Variants in MAGI3 observed in about 807,000 individuals in gnomAD.
MAGI3 encodes the protein membrane associated guanylate kinase, WW and PDZ domain containing 3.
In MAGI3, 43 loss-of-function variants were observed where a neutral mutation model predicts 121.8. The ratio of observed to expected loss-of-function variants is 0.35; its 90% confidence interval spans 0.28 to 0.46. The LOEUF is 0.46. Among genes scored for constraint, MAGI3 ranks in the 20% least tolerant of loss-of-function variants. The probability of loss-of-function intolerance (pLI) is 1.00; values close to 1 mark genes in which losing one functional copy is unlikely to be tolerated. For synonymous variants in MAGI3, 553 were observed against 639.3 expected, an observed-to-expected ratio of 0.86 and a Z score of 2.04; for missense variants, 1,547 against 1,797.3, an observed-to-expected ratio of 0.86 and a Z score of 2.52.
chr1:113,534,848 G>GT (rs1163502951), intron 1 of MAGI3, among the ~76,000 whole-genome samples: 2 of 151,912 alleles, frequency 1.3e-5, no homozygotes, highest in Admixed American at 1.3e-4. Context: ...GAATCAGACT[G>GT]TTTAATTGTT....
intron 1 of MAGI3, among the ~76,000 whole-genome samples, chr1:113,393,730 ATTTTG>A (rs1053270737): frequency 1.3e-5 from 2 of 152,222 alleles, no homozygotes; most frequent in Non-Finnish European, 2.9e-5. Flanking sequence ...ATTGTGATTC[ATTTTG>A]GAAAGGATGA....
rs1030023252 is a variant in MAGI3 at position 113,594,516 on chromosome 1, G to A, written c.974G>A (p.Arg325His). The change falls in exon 6 of 21, where the codon CGT (arginine) becomes CAT (histidine). Residue 325 changes from arginine to histidine, a missense_variant. Physicochemically the swap from Arg to His is conservative, Grantham distance 29. Transcript: ENST00000307546. ...NTKTTTWLDP[R>H]LCKKAKAPED... is the part of the protein sequence containing the mutation. Reference sequence around the variant, plus strand: ...AAGACAACCACCTGGTTGGATCCTCGTCTTTGTAAGAAAGCCAAAGCCCCT... The same window carrying A: ...AAGACAACCACCTGGTTGGATCCTCATCTTTGTAAGAAAGCCAAAGCCCCT... 3 of 1,613,114 alleles carry A rather than the reference G, an allele frequency of 1.9e-6. No homozygotes were observed. The highest frequency in any genetic ancestry group is 2.5e-6 in the Non-Finnish European group (3 of 1,179,522).
At chr1:113,549,917 A>G (rs1215085428) in intron 2 of MAGI3, among the ~76,000 whole-genome samples, 1 of 147,892 alleles carries the variant, frequency 6.8e-6, no homozygotes, top group East Asian at 2.0e-4. Flanking sequence ...GGAGTTCAAG[A>G]CCAGCCTGGC....
At chr1:113,623,210 T>C (rs1467434222) in intron 9 of MAGI3, among the ~76,000 whole-genome samples, 2 of 152,038 alleles carry the variant, frequency 1.3e-5, no homozygotes, top group Admixed American at 1.3e-4. Context: ...TATTATACTA[T>C]GATACAGGCA....
chr1:113,450,397 A>G, intron 1 of MAGI3: 1 of 1,123,698 alleles, frequency 8.9e-7, no homozygotes, highest in South Asian at 1.2e-5. Context: ...GGTGGATATA[A>G]TGGATTTGGA....
At chr1:113,599,216 A>G (rs1424280814) in intron 6 of MAGI3, among the ~76,000 whole-genome samples, 2 of 152,150 alleles carry the variant, frequency 1.3e-5, no homozygotes, top group Admixed American at 6.5e-5. Context: ...AAATAACTAA[A>G]TTCAGAGCAG....
intron 19 of MAGI3, among the ~76,000 whole-genome samples, chr1:113,674,035 T>C (rs1369814027): frequency 6.6e-6 from 1 of 152,232 alleles, no homozygotes; most frequent in Non-Finnish European, 1.5e-5. Flanking sequence ...AAATTGTTTA[T>C]AGATCTGCAT....
At chr1:113,465,054 A>C (rs1655212289) in intron 1 of MAGI3, among the ~76,000 whole-genome samples, 1 of 152,122 alleles carries the variant, frequency 6.6e-6, no homozygotes, top group African/African-American at 2.4e-5. Context: ...GACATCCTAC[A>C]CAGAAAATCT....
At chr1:113,554,571 G>A (rs1415490234) in intron 2 of MAGI3, among the ~76,000 whole-genome samples, 2 of 151,882 alleles carry the variant, frequency 1.3e-5, no homozygotes, top group Admixed American at 1.3e-4. Context: ...CTGGAAATTG[G>A]ACGAGGAATA....
intron 7 of MAGI3, 70 bp downstream of exon 7, chr1:113,614,728 G>A (rs1650354946): frequency 9.4e-7 from 1 of 1,065,640 alleles, no homozygotes; most frequent in Admixed American, 2.2e-5. Flanking sequence ...AGAGAATACT[G>A]GATACAGCAC....
At chr1:113,601,786 G>A (rs9429725) in intron 6 of MAGI3, among the ~76,000 whole-genome samples, 94,450 of 132,446 alleles carry the variant, frequency 0.71, 34,137 homozygotes, top group African/African-American at 0.76. Context: ...TGTTTATTGT[G>A]GCACTATTCA....
chr1:113,497,401 G>A (rs1187336666), intron 1 of MAGI3, among the ~76,000 whole-genome samples: 3 of 108,482 alleles, frequency 2.8e-5, no homozygotes, highest in African/African-American at 1.0e-4. Flanking sequence ...CCTCACCTGG[G>A]AAGCGCAAGG....
intron 3 of MAGI3, among the ~76,000 whole-genome samples, chr1:113,582,314 G>A (rs992840466): frequency 7.2e-5 from 11 of 151,968 alleles, no homozygotes; most frequent in African/African-American, 2.7e-4. Context: ...TTGCCCATAT[G>A]CATATGTAGA....
At chr1:113,562,344 A>G (rs934068265) in intron 2 of MAGI3, among the ~76,000 whole-genome samples, 1 of 152,214 alleles carries the variant, frequency 6.6e-6, no homozygotes, top group Non-Finnish European at 1.5e-5. Flanking sequence ...TGGAGCTTGC[A>G]ATGAGCTGAG....
rs1185205081 is a variant in MAGI3, at chr1:113,416,368, T to C, written c.316+25019T>C. Reference sequence around the variant, plus strand: ...ATTAATTATATATTAATTTATATTATATTAATATATTAATAATATATATTA... The same window carrying C: ...ATTAATTATATATTAATTTATATTACATTAATATATTAATAATATATATTA... On this transcript the variant is annotated intron_variant, in intron 1 of 20. Transcript: ENST00000307546. Among the ~76,000 whole-genome samples the C allele has an allele frequency of 2.2e-4, 26 of 116,904 alleles. No homozygotes were observed. In the South Asian group the frequency reaches 2.9e-3, roughly 13 times the overall value. The allele number at this position is 116,904 out of a possible 152,430, so 76.7% of individuals were successfully genotyped here. A position where few individuals can be genotyped will look rare whatever the true frequency, so the allele number is the denominator to read the frequency against.
In MAGI3 at chr1:113,653,839, C is replaced by G; in HGVS notation, c.2450C>G (p.Pro817Arg). 1 of 1,594,906 alleles carries G rather than the reference C, an allele frequency of 6.3e-7. No homozygotes were observed. Among genetic ancestry groups the G allele is most frequent in the South Asian group, 1.1e-5 (1 of 88,216 alleles). ...RRKIFYGEKQ[P>R]EDDSSQAFIS... is the part of the protein sequence containing the mutation. ...ATCATGTTTATTACAGAAAAACAAC[C>G]CGAGGACGACAGCTCTCAGGCCTTC... The change falls in exon 15 of 21, where the codon CCC becomes CGC. Residue 817 changes from proline (P) to arginine (R), a missense_variant. Coordinates refer to ENST00000307546, the MANE Select transcript of MAGI3 (RefSeq NM_001142782.2).
At chr1:113,406,305 G>A (rs1031171133) in intron 1 of MAGI3, among the ~76,000 whole-genome samples, 17 of 150,434 alleles carry the variant, frequency 1.1e-4, no homozygotes, top group East Asian at 5.9e-4. Context: ...AAAATTAGCC[G>A]GGTGTGGTGG....
intron 6 of MAGI3, among the ~76,000 whole-genome samples, chr1:113,600,610 T>C (rs1432886379): frequency 6.6e-6 from 1 of 150,456 alleles, no homozygotes; most frequent in African/African-American, 2.5e-5. Flanking sequence ...TGCTCATGGG[T>C]AGGAAGAATC....
At chr1:113,473,084 C>A (rs140840947) in intron 1 of MAGI3, among the ~76,000 whole-genome samples, 29 of 152,192 alleles carry the variant, frequency 1.9e-4, no homozygotes, top group African/African-American at 6.5e-4. Context: ...AGCATTCTTT[C>A]ATTTTAAGTT....
Sources: allele counts gnomAD v4.1 joint callset (sites outside exome capture counted in the v4.1 genomes callset), GRCh38; gene constraint gnomAD v4.1.1; transcripts MANE v1.5; gene names NCBI Gene and HGNC (gene_info 2026-07-23, HGNC 2026-07-21).